The following LTBP3 variants were observed in gnomAD, a reference collection of about 807,000 sequenced individuals.
LTBP3 encodes latent-transforming growth factor beta-binding protein 3.
In LTBP3, 97 loss-of-function variants were observed where a neutral mutation model predicts 159.7. The ratio of observed to expected loss-of-function variants is 0.61; its 90% CI spans 0.52 to 0.72. LTBP3 has a LOEUF of 0.72. Among genes scored for constraint, LTBP3 ranks in the 30% least tolerant of loss-of-function variants. LTBP3 has a pLI of 0.00. For missense variants in LTBP3, 1,584 were observed against 1,864.3 expected (o/e 0.85, Z 2.77); for synonymous variants, 824 against 777.1 (o/e 1.06, Z -1.00).
Position 65,539,314 on chromosome 11 carries a change from G to T in LTBP3, c.3760+14C>A. 1 of 629,004 alleles carries T rather than the reference G, an allele frequency of 1.6e-6. No individual in the cohort carries two copies. 39.0% of individuals were successfully genotyped at this position (629,004 alleles called of 1,614,324 possible). On this transcript the variant is annotated intron_variant, in intron 27 of 27. Coordinates refer to ENST00000301873, the MANE Select transcript of LTBP3 (RefSeq NM_001130144.3). ...CGGCCCCGCCCCTGCCCCCACCCCCGAAGCCCGGCTCACCCACGCAGCGGG... is the reference window on the plus strand; with the variant it reads ...CGGCCCCGCCCCTGCCCCCACCCCCTAAGCCCGGCTCACCCACGCAGCGGG...
Position 65,546,543 on chromosome 11 carries a change from C to T in LTBP3, c.2252G>A (p.Gly751Asp). The change falls in exon 16 of 28, where the codon GGC (glycine) becomes GAC (aspartate). Residue 751 changes from glycine (G) to aspartate (D), a missense_variant. By Grantham distance (94) the Gly-to-Asp change is moderately conservative. This residue lies in a region of LTBP3 where 565 missense variants were observed against 677.7 expected (regional missense o/e 0.83). Transcript: ENST00000301873. The surrounding 1 kb of genome is among the most constrained non-coding windows in gnomAD (Gnocchi z 4.0). ...ACRDVNECAEGSPCSPGWCEN... is the reference protein window; with the variant it reads ...ACRDVNECAEDSPCSPGWCEN... ...GCACCAGCCAGGCGAGCAGGGGCTG[C>T]CCTCGGCGCACTCGTTCACGTCTGC... The T allele has an allele frequency of 6.2e-7, 1 of 1,602,196 alleles. No homozygotes were observed.
Position 65,551,983 on chromosome 11 carries a change from T to C in LTBP3, c.1520A>G (p.Glu507Gly). 1 of 1,614,026 alleles carries C rather than the reference T, an allele frequency of 6.2e-7. No homozygotes were observed. The highest frequency in any genetic ancestry group is 8.5e-7 in the Non-Finnish European group (1 of 1,179,994). Residue 507 changes from glutamate to glycine, a missense_variant, in exon 8 of 28, where the codon GAG (glutamate) becomes GGG (glycine). By Grantham distance (98) the Glu-to-Gly change is moderately conservative (BLOSUM62 -2). Around this residue, in one of 6 missense-constraint regions of LTBP3, gnomAD observed 565 missense variants for 677.7 expected, o/e 0.83. Transcript: ENST00000301873. ...GGGTCAGGCTAGACCTCTCTCTTCCTCTGTGTCCTCAGGTGGTGGAGCCTG... is the reference window on the plus strand; with the variant it reads ...GGGTCAGGCTAGACCTCTCTCTTCCCCTGTGTCCTCAGGTGGTGGAGCCTG... ...PSQAPPPEDT[E>G]EERGVTTDSP...
chr11:65,556,713 C>T (rs1381019137), intron 1 of LTBP3, among the ~76,000 whole-genome samples: 2 of 152,202 alleles, frequency 1.3e-5, no homozygotes, highest in Non-Finnish European at 2.9e-5. Context: ...AAATTTGAGC[C>T]ACATGAGTGG....
At position 65,538,756 on chromosome 11, in the gene LTBP3, C is replaced by T. The variant is rs531476673; in HGVS notation, c.*324G>A. 8.7e-6 allele frequency: 8 copies of T among 919,810 alleles called. No homozygotes were observed. In the South Asian group the frequency reaches 1.3e-4, roughly 14 times the overall value. 57.0% of individuals were successfully genotyped at this position (919,810 alleles called of 1,614,324 possible). On this transcript the variant is annotated 3_prime_UTR_variant, in exon 28 of 28. Coordinates refer to ENST00000301873, the MANE Select transcript of LTBP3 (RefSeq NM_001130144.3). ...CCTGGGAGGCGGCTGGGGTCTGGCG[C>T]CGCCCTGCGCAGCCCGCGCCCACGT...
At chr11:65,545,292 C>T (rs1428752260) in intron 16 of LTBP3, 4 of 201,392 alleles carry the variant, frequency 2.0e-5, no homozygotes, top group Non-Finnish European at 4.1e-5. Context: ...AGATGCTCTG[C>T]TTACCCAACC....
At chr11:65,544,157 G>A (rs1481170090) in intron 16 of LTBP3, 1 of 165,204 alleles carries the variant, frequency 6.1e-6, no homozygotes, top group Non-Finnish European at 1.3e-5. Context: ...TCACATTCCT[G>A]GATCTCTCGG....
chr11:65,539,063 G>GGGCGGCGTC lies in LTBP3; in HGVS notation c.*8_*16dup, dbSNP rs539110133. Reference sequence around the variant, plus strand: ...CAGTGATCACCGAGGTCTGGGCCGAGGGCGGCGTCGGCGGCGTCAGCGGCG... The same window carrying GGGCGGCGTC: ...CAGTGATCACCGAGGTCTGGGCCGAGGGCGGCGTCGGCGGCGTCGGCGGCGTCAGCGGCG... On this transcript the variant is annotated 3_prime_UTR_variant, in exon 28 of 28. Coordinates refer to ENST00000301873, the MANE Select transcript of LTBP3 (RefSeq NM_001130144.3). The GGGCGGCGTC allele has an allele frequency of 2.8e-3, 3,875 of 1,364,480 alleles. 6 individuals carry two copies. The highest frequency in any genetic ancestry group is 3.2e-3 in the Non-Finnish European group (3,353 of 1,060,730). The allele number at this position is 1,364,480 out of a possible 1,614,324, so 84.5% of individuals were successfully genotyped here. A position where few individuals can be genotyped will look rare whatever the true frequency, so the allele number is the denominator to read the frequency against.
In LTBP3 at chr11:65,541,162, G is replaced by A; in HGVS notation, c.2857C>T (p.His953Tyr). The A allele has an allele frequency of 6.2e-7, 1 of 1,606,390 alleles. No homozygotes were observed. Among genetic ancestry groups the A allele is most frequent in the Non-Finnish European group, 8.5e-7 (1 of 1,177,416 alleles). ...CCSLGAGWGD[H>Y]CEIYPCPVYS... is the part of the protein sequence containing the mutation. ...ACTGGGCAGGGGTAGATTTCGCAGTGGTCGCCCCAGCCGGCCCCCAGAGAG... is the reference window on the plus strand; with the variant it reads ...ACTGGGCAGGGGTAGATTTCGCAGTAGTCGCCCCAGCCGGCCCCCAGAGAG... The change falls in exon 20 of 28, where the codon CAC (histidine) becomes TAC (tyrosine). Residue 953 changes from histidine to tyrosine, a missense_variant. Transcript: ENST00000301873.
At chr11:65,551,626 A>T (rs1856618009) in intron 8 of LTBP3, 62 bp from the exon 9 acceptor site, 1 of 1,604,058 alleles carries the variant, frequency 6.2e-7, no homozygotes, top group East Asian at 2.2e-5. Flanking sequence ...CAGATCTGGG[A>T]TCAGCAGCTG....
intron 11 of LTBP3, 123 bp from the exon 12 acceptor site, chr11:65,548,168 C>T: frequency 7.2e-7 from 1 of 1,391,038 alleles, no homozygotes; most frequent in Non-Finnish European, 1.0e-6. Flanking sequence ...CATACTCCAA[C>T]TCCAGGATGT....
rs773279346 is a variant in LTBP3, at chr11:65,540,117, G to A, written c.3281C>T (p.Pro1094Leu). The change falls in exon 24 of 28, where the codon CCT becomes CTT. Residue 1094 changes from proline to leucine, a missense_variant. Coordinates refer to ENST00000301873, the MANE Select transcript of LTBP3 (RefSeq NM_001130144.3). The part of the protein sequence containing the change: ...DECQDPAACR[P>L]GRCVNLPGSY... ...GCCCGGCAGGTTGACGCAGCGGCCA[G>A]GGCGGCAGGCTGCCGGGTCCTGGCA... The A allele has an allele frequency of 1.7e-4, 266 of 1,527,198 alleles. No homozygotes were observed. Among genetic ancestry groups the A allele is most frequent in the Middle Eastern group, 5.2e-4 (3 of 5,824 alleles). 94.6% of individuals were successfully genotyped at this position (1,527,198 alleles called of 1,614,324 possible).
rs2135110544 is a variant in LTBP3, at chr11:65,538,591, TG to T, written c.*488del. The T allele has an allele frequency of 6.2e-7, 1 of 1,603,118 alleles. No homozygotes were observed. Among genetic ancestry groups the T allele is most frequent in the Non-Finnish European group, 8.5e-7 (1 of 1,175,120 alleles). On this transcript the variant is annotated 3_prime_UTR_variant, in exon 28 of 28. Coordinates refer to ENST00000301873, the MANE Select transcript of LTBP3 (RefSeq NM_001130144.3). ...AACCGTGGCGGTGGCCCTTCCCGGC[TG>T]CGGAGAGCCCGCCCCACAGATGTAT... is the stretch of plus-strand genomic sequence containing the variant.
chr11:65,557,227 T>G (rs1856842577), intron 1 of LTBP3, among the ~76,000 whole-genome samples: 1 of 152,098 alleles, frequency 6.6e-6, no homozygotes, highest in African/African-American at 2.4e-5. Context: ...TTGTAAAGAC[T>G]TTTCTTGTTT....
At chr11:65,545,222 A>C (rs2135135282) in intron 16 of LTBP3, 2 of 180,716 alleles carry the variant, frequency 1.1e-5, no homozygotes, top group Non-Finnish European at 2.3e-5. Flanking sequence ...CTCCCCCACC[A>C]TCTCCTCCAA....
At chr11:65,556,838 T>A (rs756662908) in intron 1 of LTBP3, among the ~76,000 whole-genome samples, 2 of 152,072 alleles carry the variant, frequency 1.3e-5, no homozygotes, top group African/African-American at 4.8e-5. Context: ...TAATTACTGC[T>A]GGGACACCTC....
intron 8 of LTBP3, 149 bp from the exon 9 acceptor site, chr11:65,551,713 T>G: frequency 9.3e-7 from 1 of 1,070,210 alleles, no homozygotes. Context: ...ATTCTGGGGT[T>G]AGGGTGTGTT....
At chr11:65,544,020 C>T (rs940396601) in intron 16 of LTBP3, 26 of 206,218 alleles carry the variant, frequency 1.3e-4, no homozygotes, top group Admixed American at 4.2e-4. Flanking sequence ...GAGGTGCCGC[C>T]GGCCTCCTGC....
chr11:65,539,698 A>G, intron 25 of LTBP3, 22 bp downstream of exon 25: 1 of 1,565,948 alleles, frequency 6.4e-7, no homozygotes, highest in Non-Finnish European at 8.6e-7. Flanking sequence ...GCTCCCGGCC[A>G]ACTCCTCCCC....
Position 65,551,136 on chromosome 11 carries a change from A to T in LTBP3, c.1710T>A (p.Thr570=). 1 of 1,553,298 alleles carries T rather than the reference A, an allele frequency of 6.4e-7. No homozygotes were observed. Among genetic ancestry groups the T allele is most frequent in the Non-Finnish European group, 8.7e-7 (1 of 1,148,614 alleles). The part of the protein sequence containing the change: ...PSRSAVEIAP[T]QVTETDECRL... ...CTGGGCGGGCCTTACCTGTGACCTG[A>T]GTGGGAGCGATCTCTACGGCGCTGC... is the stretch of plus-strand genomic sequence containing the variant. Residue 570 remains threonine (T), a synonymous_variant, in exon 11 of 28, where the codon ACT becomes ACA. Coordinates refer to ENST00000301873, the MANE Select transcript of LTBP3 (RefSeq NM_001130144.3).
Sources: gnomAD v4.1 joint callset for allele counts (sites outside exome capture counted in the v4.1 genomes callset) on GRCh38, gnomAD v4.1.1 for gene constraint, gnomAD v4.1.1 regional missense constraint, Gnocchi (gnomAD v3.1) non-coding constraint, MANE v1.5 for transcripts, NCBI Gene and HGNC (gene_info 2026-07-23, HGNC 2026-07-21) for gene names.